The following EPB41L5 variants were observed in gnomAD, a reference collection of about 807,000 sequenced individuals.
EPB41L5 encodes the protein band 4.1-like protein 5.
In EPB41L5, 55 loss-of-function variants were observed where a neutral mutation model predicts 106.6. That is an observed-to-expected ratio of 0.52 (90% CI 0.42 to 0.65). The LOEUF is 0.65. EPB41L5 is among the 30% of genes least tolerant of loss of function. The pLI is 0.00. For missense variants in EPB41L5, 871 were observed against 882.1 expected, an observed-to-expected ratio of 0.99 and a Z score of 0.16; for synonymous variants, 297 against 306.7, an observed-to-expected ratio of 0.97 and a Z score of 0.33.
intron 2 of EPB41L5, among the ~76,000 whole-genome samples, chr2:120,022,266 C>G (rs367951837): frequency 2.0e-5 from 3 of 152,022 alleles, no homozygotes; most frequent in African/African-American, 7.2e-5. Context: ...CACGTGCCAT[C>G]GTGGTTTGCT....
chr2:120,122,784 G>A (rs1040872511), intron 16 of EPB41L5, among the ~76,000 whole-genome samples: 5 of 152,110 alleles, frequency 3.3e-5, no homozygotes, highest in Non-Finnish European at 7.4e-5. Flanking sequence ...CCATTTTCAC[G>A]ATATTGATTC....
intron 18 of EPB41L5, among the ~76,000 whole-genome samples, chr2:120,141,731 C>T (rs1686182871): frequency 6.6e-6 from 1 of 151,930 alleles, no homozygotes; most frequent in Non-Finnish European, 1.5e-5. Context: ...TAGATGATTG[C>T]CACGTAGAAA....
At chr2:120,166,093 T>G (rs1687394991) in intron 22 of EPB41L5, among the ~76,000 whole-genome samples, 1 of 151,812 alleles carries the variant, frequency 6.6e-6, no homozygotes, top group African/African-American at 2.4e-5. Context: ...TGATACTGAA[T>G]GTTTGCATAG....
chr2:120,049,335 T>C (rs1286455965), intron 3 of EPB41L5, among the ~76,000 whole-genome samples: 1 of 152,204 alleles, frequency 6.6e-6, no homozygotes, highest in Non-Finnish European at 1.5e-5. Context: ...GCTTTATGTA[T>C]CTGTGTTCTC....
chr2:120,077,558 GTTATT>G (rs988350030), intron 9 of EPB41L5, among the ~76,000 whole-genome samples: 5 of 152,210 alleles, frequency 3.3e-5, no homozygotes, highest in Admixed American at 6.5e-5. Context: ...CTTTTAAGCT[GTTATT>G]TTATTTTATT....
chr2:120,025,241 G>A (rs1678225261), intron 2 of EPB41L5, among the ~76,000 whole-genome samples: 1 of 152,170 alleles, frequency 6.6e-6, no homozygotes, highest in Admixed American at 6.5e-5. Flanking sequence ...ATGTGTCCAG[G>A]AATTTATCCA....
At chr2:120,022,415 T>C (rs1173078178) in intron 2 of EPB41L5, among the ~76,000 whole-genome samples, 5 of 151,982 alleles carry the variant, frequency 3.3e-5, no homozygotes, top group Admixed American at 2.0e-4. Flanking sequence ...CTCCCACTTA[T>C]GAGTGAGAAC....
At chr2:120,161,032 G>T (rs1340968122) in intron 21 of EPB41L5, 58 bp downstream of exon 21, 1 of 1,242,170 alleles carries the variant, frequency 8.1e-7, no homozygotes, top group African/African-American at 1.5e-5. Context: ...ATTGAATCTT[G>T]CAGTATAACC....
chr2:120,090,389 C>T lies in EPB41L5; in HGVS notation c.916C>T (p.Pro306Ser). 6.2e-7 allele frequency: 1 copy of T among 1,613,098 alleles called. No individual in the cohort carries two copies. Among genetic ancestry groups the T allele is most frequent in the Non-Finnish European group, 8.5e-7 (1 of 1,179,666 alleles). ...EHTFVFRLDH[P>S]KACKHLWKCA... is the part of the protein sequence containing the mutation. ...TACATTTGTCTTTAGACTGGATCAT[C>T]CAAAAGCATGCAAACATTTATGGAA... The change falls in exon 12 of 25, where the codon CCA (proline) becomes TCA (serine). Residue 306 changes from proline (P) to serine (S), a missense_variant. Coordinates refer to ENST00000263713, the MANE Select transcript of EPB41L5 (RefSeq NM_020909.4).
chr2:120,073,718 A>T (rs1264868379), intron 4 of EPB41L5, among the ~76,000 whole-genome samples: 1 of 152,186 alleles, frequency 6.6e-6, no homozygotes, highest in Non-Finnish European at 1.5e-5. Flanking sequence ...GAGACCACTG[A>T]GATTATAGAA....
At chr2:120,090,251 A>G in intron 11 of EPB41L5, 96 bp from the exon 12 acceptor site, 3 of 1,022,502 alleles carry the variant, frequency 2.9e-6, no homozygotes, top group South Asian at 1.9e-5. Context: ...GGAGCACACT[A>G]GATCCTTTAT....
In EPB41L5 at chr2:120,175,109, A is replaced by C; in HGVS notation, c.*202A>C. 1.7e-6 allele frequency: 1 copy of C among 576,070 alleles called. No homozygotes were observed. Among genetic ancestry groups the C allele is most frequent in the Non-Finnish European group, 3.1e-6 (1 of 318,356 alleles). 35.7% of individuals were successfully genotyped at this position (576,070 alleles called of 1,614,324 possible). ...ATCACACTGCATAGCTGCCCAAAAG[A>C]GAGTGTTTGGTCTTGAACTTTCTAT... is the stretch of plus-strand genomic sequence containing the variant. On this transcript the variant is annotated 3_prime_UTR_variant, in exon 25 of 25. Coordinates refer to ENST00000263713, the MANE Select transcript of EPB41L5 (RefSeq NM_020909.4).
rs1014393224 is a variant in EPB41L5 at position 120,175,825 on chromosome 2, C to G, written c.*918C>G. On this transcript the variant is annotated 3_prime_UTR_variant, in exon 25 of 25. Coordinates refer to ENST00000263713, the MANE Select transcript of EPB41L5 (RefSeq NM_020909.4). ...TTTGGACATAGACTTCATTTCCTTT[C>G]AGTATAAGCTGAATAAATTTAGAGC... The G allele has an allele frequency of 6.6e-6, 1 of 151,828 alleles. No individual in the cohort carries two copies. The allele number at this position is 151,828 out of a possible 1,614,324, so 9.4% of individuals were successfully genotyped here.
chr2:120,027,311 G>T lies in EPB41L5; in HGVS notation c.180+8047G>T, dbSNP rs865841760. Among the ~76,000 whole-genome samples, 6 of 152,304 alleles carry T rather than the reference G, an allele frequency of 3.9e-5. No homozygotes were observed. In the South Asian group the frequency reaches 1.2e-3, roughly 32 times the overall value. ...CCTGGATGCTCATCAATAGGTAAAT[G>T]GATAAATAAAACCTGTAATATCCAT... On this transcript the variant is annotated intron_variant, in intron 2 of 24. Coordinates refer to ENST00000263713, the MANE Select transcript of EPB41L5 (RefSeq NM_020909.4).
intron 16 of EPB41L5, chr2:120,105,762 T>G: frequency 2.0e-6 from 2 of 985,354 alleles, no homozygotes; most frequent in Non-Finnish European, 2.4e-6. Flanking sequence ...CTTATAGTTG[T>G]TTTAGACTTT....
chr2:120,135,097 A>AG (rs1198508219), intron 18 of EPB41L5, among the ~76,000 whole-genome samples: 30 of 152,186 alleles, frequency 2.0e-4, no homozygotes, highest in Admixed American at 2.0e-3. Context: ...GATAAATTTA[A>AG]CAAAGAGATT....
chr2:120,098,926 G>A (rs1205935735), intron 14 of EPB41L5, among the ~76,000 whole-genome samples: 1 of 152,226 alleles, frequency 6.6e-6, no homozygotes, highest in Non-Finnish European at 1.5e-5. Context: ...AGAATGACAT[G>A]TTGGCTGGTT....
At chr2:120,055,373 G>T (rs915418345) in intron 3 of EPB41L5, among the ~76,000 whole-genome samples, 2 of 151,952 alleles carry the variant, frequency 1.3e-5, no homozygotes, top group African/African-American at 2.4e-5. Flanking sequence ...TGGAATTTTG[G>T]TAGGGATTGC....
chr2:120,019,533 G>A (rs1677783303), intron 2 of EPB41L5, among the ~76,000 whole-genome samples: 1 of 152,178 alleles, frequency 6.6e-6, no homozygotes, highest in South Asian at 2.1e-4. Context: ...TGTTTCATGT[G>A]TCTTTCTATG....
Sources: allele counts gnomAD v4.1 joint callset (sites outside exome capture counted in the v4.1 genomes callset), GRCh38; gene constraint gnomAD v4.1.1; transcripts MANE v1.5; gene names NCBI Gene and HGNC (gene_info 2026-07-23, HGNC 2026-07-21).